CPXM2: variants seen among roughly 807,000 people sequenced by gnomAD.
CPXM2 encodes the protein carboxypeptidase X, M14 family member 2, also known as inactive carboxypeptidase-like protein X2.
CPXM2 carries 66 observed loss-of-function variants against 86.1 expected under a neutral mutation model. That is an observed-to-expected ratio of 0.77 (90% CI 0.63 to 0.94). The LOEUF is 0.94. Among genes scored for constraint, CPXM2 ranks in the 40% least tolerant of loss-of-function variants. The probability of loss-of-function intolerance (pLI) is 0.00; values close to 1 mark genes in which losing one functional copy is unlikely to be tolerated. For missense variants in CPXM2, 948 were observed against 1,026.3 expected (o/e 0.92, Z 1.04); for synonymous variants, 388 against 400.2 (o/e 0.97, Z 0.36).
At chr10:123,752,610 C>A in intron 13 of CPXM2, 1 of 985,328 alleles carries the variant, frequency 1.0e-6, no homozygotes. Context: ...GGAATGGGAT[C>A]TTTTGTTGGC....
At chr10:123,767,708 T>C (rs1331859954) in intron 9 of CPXM2, among the ~76,000 whole-genome samples, 1 of 152,226 alleles carries the variant, frequency 6.6e-6, no homozygotes, top group Non-Finnish European at 1.5e-5. Context: ...CACAACATAA[T>C]ACTAACTATA....
At chr10:123,786,041 G>A (rs11248279) in intron 6 of CPXM2, among the ~76,000 whole-genome samples, 28,165 of 152,136 alleles carry the variant, frequency 0.19, 3,402 homozygotes, top group East Asian at 0.43. Flanking sequence ...TTTTGCTGTC[G>A]TAATGACCAC....
chr10:123,766,295 T>C (rs1846470806), intron 10 of CPXM2, among the ~76,000 whole-genome samples: 1 of 152,210 alleles, frequency 6.6e-6, no homozygotes, highest in Admixed American at 6.5e-5. Flanking sequence ...GGTACTTTTA[T>C]GTGAAGAAAG....
At chr10:123,764,623 A>C (rs1219745) in intron 10 of CPXM2, among the ~76,000 whole-genome samples, 15,840 of 152,058 alleles carry the variant, frequency 0.1, 1,254 homozygotes, top group East Asian at 0.28. Context: ...AGTAGTTGGG[A>C]CCACAGTTGT....
rs1210065249 is a variant in CPXM2, at chr10:123,859,538, T to G, written c.513+3076A>C. On this transcript the variant is annotated intron_variant, in intron 3 of 13. Transcript: ENST00000241305. Reference sequence around the variant, plus strand: ...ACATTGCAAACGACACTGTCCTGTCTGGGGTTGACACCAGGTACCCGAGTA... The same window carrying G: ...ACATTGCAAACGACACTGTCCTGTCGGGGGTTGACACCAGGTACCCGAGTA... Among the ~76,000 whole-genome samples the G allele has an allele frequency of 2.6e-5, 4 of 152,336 alleles. No homozygotes were observed. In the East Asian group the frequency reaches 5.8e-4, roughly 22 times the overall value.
intron 2 of CPXM2, among the ~76,000 whole-genome samples, chr10:123,930,683 A>G (rs1168174484): frequency 3.9e-5 from 6 of 152,242 alleles, no homozygotes; most frequent in Non-Finnish European, 8.8e-5. Flanking sequence ...CACTCCTGAG[A>G]GCTGCCATGT....
intron 2 of CPXM2, among the ~76,000 whole-genome samples, chr10:123,866,802 C>T (rs929046901): frequency 2.0e-5 from 3 of 152,250 alleles, no homozygotes; most frequent in African/African-American, 4.8e-5. Flanking sequence ...TGTCCCCTCA[C>T]TTTTGTGTGG....
At chr10:123,903,306 G>A (rs1945401462) in intron 2 of CPXM2, among the ~76,000 whole-genome samples, 2 of 152,248 alleles carry the variant, frequency 1.3e-5, no homozygotes, top group African/African-American at 2.4e-5. Flanking sequence ...AAGGTGCTCA[G>A]TAAATGCTGG....
At chr10:123,858,875 T>C (rs986968187) in intron 3 of CPXM2, among the ~76,000 whole-genome samples, 1 of 152,262 alleles carries the variant, frequency 6.6e-6, no homozygotes, top group African/African-American at 2.4e-5. Flanking sequence ...ATTTGAGAAC[T>C]GCCAAAGGCA....
At chr10:123,888,311 T>A (rs909303893) in intron 1 of CPXM2, among the ~76,000 whole-genome samples, 1 of 152,194 alleles carries the variant, frequency 6.6e-6, no homozygotes, top group African/African-American at 2.4e-5. Context: ...AAAGTACATA[T>A]AGACTTTTAA....
chr10:123,795,292 T>C (rs987605533), intron 6 of CPXM2, among the ~76,000 whole-genome samples: 1 of 152,178 alleles, frequency 6.6e-6, no homozygotes, highest in African/African-American at 2.4e-5. Context: ...TAATAGACCA[T>C]GGTATATGGT....
rs749545644 is a variant in CPXM2 at position 123,798,050 on chromosome 10, C to T, written c.815G>A (p.Arg272His). 32 of 1,611,280 alleles carry T rather than the reference C, an allele frequency of 2.0e-5. No homozygotes were observed. Among genetic ancestry groups the T allele is most frequent in the Non-Finnish European group, 2.5e-5 (29 of 1,178,668 alleles). Residue 272 changes from arginine to histidine, a missense_variant, in exon 6 of 14, where the codon CGC (arginine) becomes CAC (histidine). Arg to His is a conservative substitution (Grantham distance 29). Transcript: ENST00000241305. ...LPVPMVARYI[R>H]INPQSWFDNG... is the part of the protein sequence containing the mutation. Reference sequence around the variant, plus strand: ...ATCAAACCAGGACTGAGGGTTTATGCGGATGTAGCGGGCCACCATGGGGAC... The same window carrying T: ...ATCAAACCAGGACTGAGGGTTTATGTGGATGTAGCGGGCCACCATGGGGAC...
intron 2 of CPXM2, among the ~76,000 whole-genome samples, chr10:123,897,542 G>A (rs1945347589): frequency 6.6e-6 from 1 of 152,152 alleles, no homozygotes. Flanking sequence ...GATGAGCTTG[G>A]GCGGAGTGGC....
chr10:123,790,109 A>G (rs1847172670), intron 6 of CPXM2, among the ~76,000 whole-genome samples: 1 of 151,794 alleles, frequency 6.6e-6, no homozygotes, highest in African/African-American at 2.4e-5. Context: ...ACAGAGCAAG[A>G]CTCCATCTTA....
At chr10:123,929,958 T>C (rs1333480086) in intron 2 of CPXM2, among the ~76,000 whole-genome samples, 1 of 152,064 alleles carries the variant, frequency 6.6e-6, no homozygotes, top group African/African-American at 2.4e-5. Flanking sequence ...GAAGCAGAGG[T>C]GACAGAGGTT....
intron 2 of CPXM2, among the ~76,000 whole-genome samples, chr10:123,924,998 T>C (rs1945611865): frequency 1.3e-5 from 2 of 152,234 alleles, no homozygotes; most frequent in South Asian, 2.1e-4. Flanking sequence ...AGAGACCAAA[T>C]ACATATATTT....
intron 3 of CPXM2, among the ~76,000 whole-genome samples, chr10:123,850,544 G>A (rs753813582): frequency 7.2e-5 from 11 of 152,270 alleles, no homozygotes; most frequent in Non-Finnish European, 1.2e-4. Flanking sequence ...TACTTTAGCC[G>A]CCCAGTAGTC....
chr10:123,875,817 T>C (rs1944977258), intron 2 of CPXM2, among the ~76,000 whole-genome samples: 1 of 142,624 alleles, frequency 7.0e-6, no homozygotes, highest in African/African-American at 2.6e-5. Context: ...CTTTTTTTTT[T>C]TTTTTTTTTT....
chr10:123,776,075 C>T (rs767134799), intron 7 of CPXM2, among the ~76,000 whole-genome samples: 1 of 152,118 alleles, frequency 6.6e-6, no homozygotes, highest in Non-Finnish European at 1.5e-5. Context: ...AACATGCATT[C>T]AAAAGGGATG....
Sources: gnomAD v4.1 joint callset for allele counts (sites outside exome capture counted in the v4.1 genomes callset) on GRCh38, gnomAD v4.1.1 for gene constraint, MANE v1.5 for transcripts, NCBI Gene and HGNC (gene_info 2026-07-23, HGNC 2026-07-21) for gene names.